Variants in SPRED1 observed in about 807,000 individuals in gnomAD.
SPRED1 encodes sprouty related EVH1 domain containing 1.
In SPRED1, 18 loss-of-function variants were observed where a neutral mutation model predicts 52.3. The ratio of observed to expected loss-of-function variants is 0.34; its 90% CI spans 0.24 to 0.51. The LOEUF (loss-of-function observed/expected upper bound fraction) is 0.51. SPRED1 is among the 20% of genes least tolerant of loss of function. The probability of loss-of-function intolerance (pLI) is 0.97; values close to 1 mark genes in which losing one functional copy is unlikely to be tolerated. For missense variants in SPRED1, 485 were observed against 551.0 expected, an observed-to-expected ratio of 0.88 and a Z score of 1.20; for synonymous variants, 155 against 179.7, an observed-to-expected ratio of 0.86 and a Z score of 1.10.
chr15:38,333,687 A>G (rs958128177), intron 4 of SPRED1, among the ~76,000 whole-genome samples: 1 of 152,112 alleles, frequency 6.6e-6, no homozygotes, highest in African/African-American at 2.4e-5. Flanking sequence ...CACCTCAAAA[A>G]TCATTTTCAT....
intron 5 of SPRED1, among the ~76,000 whole-genome samples, chr15:38,348,548 C>G (rs528620786): frequency 3.9e-5 from 6 of 152,084 alleles, no homozygotes; most frequent in African/African-American, 1.4e-4. Flanking sequence ...AGTTTTACTT[C>G]ATGTGCTTTT....
intron 3 of SPRED1, 129 bp downstream of exon 3, chr15:38,322,538 T>A: frequency 1.2e-6 from 1 of 838,040 alleles, no homozygotes; most frequent in Non-Finnish European, 1.9e-6. Flanking sequence ...GTGACCAGGC[T>A]TTGAAACCTC....
chr15:38,307,037 ATC>A (rs1373318789), intron 2 of SPRED1, among the ~76,000 whole-genome samples: 1 of 152,282 alleles, frequency 6.6e-6, no homozygotes, highest in South Asian at 2.1e-4. Flanking sequence ...CCTTTCCATT[ATC>A]TTCCAATTGC....
At chr15:38,256,968 G>A (rs1894111240) in intron 1 of SPRED1, among the ~76,000 whole-genome samples, 1 of 152,124 alleles carries the variant, frequency 6.6e-6, no homozygotes, top group South Asian at 2.1e-4. Context: ...GTTGGCCTGT[G>A]TAAAAATCAG....
At chr15:38,324,693 C>T (rs1291681377) in intron 3 of SPRED1, 70 bp from the exon 4 acceptor site, 2 of 1,159,318 alleles carry the variant, frequency 1.7e-6, no homozygotes, top group Admixed American at 4.1e-5. Flanking sequence ...ATGACATAAT[C>T]AATTAGTCAT....
At position 38,351,660 on chromosome 15, in the gene SPRED1, G is replaced by C; in HGVS notation, c.1331G>C (p.Gly444Ala). Residue 444 changes from glycine to alanine, a missense_variant, in exon 7 of 7, where the codon GGA becomes GCA. Gly to Ala is a moderately conservative substitution (Grantham distance 60). Coordinates refer to ENST00000299084, the MANE Select transcript of SPRED1 (RefSeq NM_152594.3). Reference protein sequence around the residue: ...GCCGGKHKAAG With the variant: ...GCCGGKHKAAA ...TGTGGTGGGAAACATAAAGCTGCTGGATGAAATGGTCCAGTGCCAAAATGA... is the reference window on the plus strand; with the variant it reads ...TGTGGTGGGAAACATAAAGCTGCTGCATGAAATGGTCCAGTGCCAAAATGA... 1 of 1,611,914 alleles carries C rather than the reference G, an allele frequency of 6.2e-7. No individual in the cohort carries two copies. Among genetic ancestry groups the C allele is most frequent in the Non-Finnish European group, 8.5e-7 (1 of 1,179,952 alleles).
intron 1 of SPRED1, among the ~76,000 whole-genome samples, chr15:38,270,477 ACT>A (rs1894406484): frequency 1.3e-5 from 2 of 152,140 alleles, no homozygotes; most frequent in Non-Finnish European, 2.9e-5. Context: ...GGTTTAATTA[ACT>A]CACAGTTCTG....
In SPRED1 at chr15:38,355,396, A is replaced by G. The variant is rs997986632; in HGVS notation, c.*3732A>G. 3.3e-5 allele frequency: 5 copies of G among 152,228 alleles called. No individual in the cohort carries two copies. The highest frequency in any genetic ancestry group is 6.5e-5 in the Admixed American group (1 of 15,278). 9.4% of individuals were successfully genotyped at this position (152,228 alleles called of 1,614,324 possible). On this transcript the variant is annotated 3_prime_UTR_variant, in exon 7 of 7. Transcript: ENST00000299084. ...GTAAATGCACTTTCAATTCATGTGTATAGTGCCATCTGATATCTTGGGTAA... is the reference window on the plus strand; with the variant it reads ...GTAAATGCACTTTCAATTCATGTGTGTAGTGCCATCTGATATCTTGGGTAA...
intron 1 of SPRED1, among the ~76,000 whole-genome samples, chr15:38,298,183 T>C (rs1222311228): frequency 4.6e-5 from 7 of 152,058 alleles, no homozygotes; most frequent in Non-Finnish European, 1.0e-4. Flanking sequence ...CTCAATACAA[T>C]GAGTAAAGTT....
In SPRED1 at chr15:38,356,359, C is replaced by T. The variant is rs565597750; in HGVS notation, c.*4695C>T. 45 of 151,940 alleles carry T rather than the reference C, an allele frequency of 3.0e-4. No homozygotes were observed. The highest frequency in any genetic ancestry group is 9.9e-4 in the African/African-American group (41 of 41,464). The allele number at this position is 151,940 out of a possible 1,614,324, so 9.4% of individuals were successfully genotyped here. Reference sequence around the variant, plus strand: ...TGTAACCATTTCTGTTACTTCATACCCGTGTAATTGGACATAGCAGATGAT... The same window carrying T: ...TGTAACCATTTCTGTTACTTCATACTCGTGTAATTGGACATAGCAGATGAT... On this transcript the variant is annotated 3_prime_UTR_variant, in exon 7 of 7. Transcript: ENST00000299084.
chr15:38,316,215 C>G (rs766074987), intron 2 of SPRED1, among the ~76,000 whole-genome samples: 1 of 151,988 alleles, frequency 6.6e-6, no homozygotes, highest in African/African-American at 2.4e-5. Context: ...TGTTTTCCCT[C>G]TCCCTTCATC....
At chr15:38,306,227 T>C (rs1321275407) in intron 2 of SPRED1, among the ~76,000 whole-genome samples, 1 of 152,194 alleles carries the variant, frequency 6.6e-6, no homozygotes, top group Non-Finnish European at 1.5e-5. Flanking sequence ...ACTGAGTTAC[T>C]TGTAGTTCAT....
Position 38,281,618 on chromosome 15 carries a change from G to A in SPRED1, c.33-17755G>A, listed in dbSNP as rs1475887926. Among the ~76,000 whole-genome samples the A allele has an allele frequency of 3.5e-5, 5 of 141,450 alleles. No individual in the cohort carries two copies. The Admixed American group carries it at 3.8e-4, about 11-fold the overall frequency. 92.8% of individuals were successfully genotyped at this position (141,450 alleles called of 152,430 possible). A position where few individuals can be genotyped will look rare whatever the true frequency, so the allele number is the denominator to read the frequency against. ...GGGTCTTGCTATGCTTCTCAGGCTG[G>A]TCTCAAACTCCTGGCTGCAAGTGAT... On this transcript the variant is annotated intron_variant, in intron 1 of 6. Transcript: ENST00000299084.
intron 1 of SPRED1, among the ~76,000 whole-genome samples, chr15:38,265,012 T>C (rs1369964311): frequency 6.6e-6 from 1 of 152,244 alleles, no homozygotes; most frequent in Non-Finnish European, 1.5e-5. Context: ...TTTTATCCAA[T>C]ACATTATATT....
chr15:38,317,819 A>G (rs1895519367), intron 2 of SPRED1, among the ~76,000 whole-genome samples: 3 of 144,766 alleles, frequency 2.1e-5, no homozygotes, highest in Non-Finnish European at 1.5e-5. Flanking sequence ...TTTTTTAACA[A>G]CTTTCAACCC....
At position 38,356,722 on chromosome 15, in the gene SPRED1, G is replaced by T. The variant is rs1056212837; in HGVS notation, c.*5058G>T. ...GCAGCTAAGCTAATGACCTTAAGTG[G>T]CAATTGTTTAACCCAGGACTACTGA... On this transcript the variant is annotated 3_prime_UTR_variant, in exon 7 of 7. Transcript: ENST00000299084. 1.3e-5 allele frequency: 2 copies of T among 151,700 alleles called. No homozygotes were observed. The highest frequency in any genetic ancestry group is 4.9e-5 in the African/African-American group (2 of 41,154). 9.4% of individuals were successfully genotyped at this position (151,700 alleles called of 1,614,324 possible). A position where few individuals can be genotyped will look rare whatever the true frequency, so the allele number is the denominator to read the frequency against.
At chr15:38,265,913 TA>T (rs759577911) in intron 1 of SPRED1, among the ~76,000 whole-genome samples, 11 of 152,182 alleles carry the variant, frequency 7.2e-5, no homozygotes. Flanking sequence ...TTTGCAGCTG[TA>T]ATTAAACTAA....
At chr15:38,263,944 AAG>A (rs1292920598) in intron 1 of SPRED1, among the ~76,000 whole-genome samples, 2 of 152,220 alleles carry the variant, frequency 1.3e-5, no homozygotes, top group Admixed American at 1.3e-4. Flanking sequence ...CTGTAGATTA[AAG>A]AGAAAATAAG....
intron 1 of SPRED1, among the ~76,000 whole-genome samples, chr15:38,274,602 T>C (rs1367345764): frequency 6.6e-6 from 1 of 152,202 alleles, no homozygotes; most frequent in African/African-American, 2.4e-5. Context: ...ATCTATACAA[T>C]ATTATTATCA....
Sources: allele counts gnomAD v4.1 joint callset (sites outside exome capture counted in the v4.1 genomes callset), GRCh38; gene constraint gnomAD v4.1.1; transcripts MANE v1.5; gene names NCBI Gene and HGNC (gene_info 2026-07-23, HGNC 2026-07-21).